ZFP82: variants seen among roughly 807,000 people sequenced by gnomAD.
ZFP82 encodes ZFP82 zinc finger protein.
In ZFP82, 30 loss-of-function variants were observed where a neutral mutation model predicts 54.0. That is an observed-to-expected ratio of 0.56 (90% CI 0.42 to 0.75). ZFP82 has a LOEUF of 0.75. ZFP82 is among the 30% of genes least tolerant of loss of function. The pLI, the probability that ZFP82 is intolerant of heterozygous loss-of-function variation, is 0.00. For synonymous variants in ZFP82, 194 were observed against 209.5 expected (o/e 0.93, Z 0.64); for missense variants, 500 against 636.8 (o/e 0.79, Z 2.31).
chr19:36,397,691 G>A (rs998936420), intron 4 of ZFP82, among the ~76,000 whole-genome samples: 2 of 151,388 alleles, frequency 1.3e-5, no homozygotes, highest in African/African-American at 2.4e-5. Flanking sequence ...ACCTTCAAGC[G>A]ATTCTCCTGC....
Position 36,389,454 on chromosome 19 carries a change from C to T in ZFP82, c.*3287G>A, listed in dbSNP as rs2032157973. On this transcript the variant is annotated 3_prime_UTR_variant, in exon 5 of 5. Coordinates refer to ENST00000392161, the MANE Select transcript of ZFP82 (RefSeq NM_133466.4). The stretch of plus-strand genomic sequence containing the variant: ...CTAATGATCCAGATTAAACATTTAC[C>T]AACATTTTGCTAATCTTGTTTCATC... Among the ~76,000 whole-genome samples the T allele has an allele frequency of 6.6e-6, 1 of 152,130 alleles. No individual in the cohort carries two copies. Among genetic ancestry groups the T allele is most frequent in the Non-Finnish European group, 1.5e-5 (1 of 68,008 alleles).
In ZFP82 at chr19:36,408,154, G is replaced by C. The variant is rs117973768; in HGVS notation, c.10-141C>G. ...TTGGGCTGGAAGCCTGCAACACAGC[G>C]AGTCAGGAAATGAGTGTGCCTGAAG... On this transcript the variant is annotated intron_variant, in intron 2 of 4. Transcript: ENST00000392161. 14 of 894,424 alleles carry C rather than the reference G, an allele frequency of 1.6e-5. 1 individual carries two copies. The highest frequency in any genetic ancestry group is 1.5e-4 in the African/African-American group (9 of 59,808). 55.4% of individuals were successfully genotyped at this position (894,424 alleles called of 1,614,324 possible). A position where few individuals can be genotyped will look rare whatever the true frequency, so the allele number is the denominator to read the frequency against.
chr19:36,385,894 A>C (rs2032109426), downstream of ZFP82, among the ~76,000 whole-genome samples: 3 of 152,220 alleles, frequency 2.0e-5, no homozygotes, highest in South Asian at 2.1e-4. Context: ...GCATATAGTA[A>C]GATGTGAGAG....
chr19:36,415,567 T>C (rs929272617), intron 1 of ZFP82, among the ~76,000 whole-genome samples: 1 of 152,020 alleles, frequency 6.6e-6, no homozygotes, highest in Non-Finnish European at 1.5e-5. Context: ...TTTCTATTTT[T>C]AGTAGAGACA....
At chr19:36,397,432 G>A (rs1312966273) in intron 4 of ZFP82, among the ~76,000 whole-genome samples, 1 of 151,806 alleles carries the variant, frequency 6.6e-6, no homozygotes, top group Non-Finnish European at 1.5e-5. Flanking sequence ...GTAAGCCATG[G>A]TTAAGATAAT....
rs199893839 is a variant in ZFP82, at chr19:36,393,196, T to A, written c.1144A>T (p.Ile382Phe). The change falls in exon 5 of 5, where the codon ATT becomes TTT. Residue 382 changes from isoleucine (I) to phenylalanine (F), a missense_variant. Coordinates refer to ENST00000392161, the MANE Select transcript of ZFP82 (RefSeq NM_133466.4). ...CCAGTATGAATTCTGTGATGGAGAA[T>A]AAGATGATAACCACGGCTAAAGGTC... ...GKTFSRGYHL[I>F]LHHRIHTGEK... 3.0e-5 allele frequency: 49 copies of A among 1,614,100 alleles called. No individual in the cohort carries two copies. The highest frequency in any genetic ancestry group is 8.3e-5 in the Admixed American group (5 of 60,012).
intron 1 of ZFP82, 122 bp from the exon 2 acceptor site, chr19:36,409,989 G>A (rs2271843): frequency 0.027 from 15,565 of 566,856 alleles, 752 homozygotes; most frequent in African/African-American, 0.13. Flanking sequence ...CAACACACAC[G>A]CGCGCACACA....
At chr19:36,402,468 C>CAAAAAAAAAAAAAAAAAAAAA (rs377338348) in intron 4 of ZFP82, among the ~76,000 whole-genome samples, 3 of 57,446 alleles carry the variant, frequency 5.2e-5, no homozygotes, top group African/African-American at 7.4e-5. Context: ...GACTCCATCT[C>CAAAAAAAAAAAAAAAAAAAAA]AAAAAAAAAA....
rs1008592218 is a variant in ZFP82, at chr19:36,392,208, T to C, written c.*533A>G. The C allele has an allele frequency of 6.5e-6, 1 of 152,856 alleles. No homozygotes were observed. Among genetic ancestry groups the C allele is most frequent in the Non-Finnish European group, 1.5e-5 (1 of 68,242 alleles). The allele number at this position is 152,856 out of a possible 1,614,324, so 9.5% of individuals were successfully genotyped here. On this transcript the variant is annotated 3_prime_UTR_variant, in exon 5 of 5. Transcript: ENST00000392161. ...TCCCTCTCTACGTAGTTTCAGGGCCTCTTCATGTGGTCTCTTCAGCAAAGT... is the reference window on the plus strand; with the variant it reads ...TCCCTCTCTACGTAGTTTCAGGGCCCCTTCATGTGGTCTCTTCAGCAAAGT...
chr19:36,409,717 A>C (rs1003590720), intron 2 of ZFP82, 64 bp downstream of exon 2: 5 of 1,576,066 alleles, frequency 3.2e-6, no homozygotes, highest in Non-Finnish European at 2.6e-6. Flanking sequence ...AGGAAGTTTC[A>C]GAATAAAAAA....
rs1304272889 is a variant in ZFP82, at chr19:36,389,526, G to T, written c.*3215C>A. Reference sequence around the variant, plus strand: ...TTAAGTATTTAAAAGTAAATCACAGGCATAACATTTCAGCCTTAAATACCT... The same window carrying T: ...TTAAGTATTTAAAAGTAAATCACAGTCATAACATTTCAGCCTTAAATACCT... On this transcript the variant is annotated 3_prime_UTR_variant, in exon 5 of 5. Coordinates refer to ENST00000392161, the MANE Select transcript of ZFP82 (RefSeq NM_133466.4). 2.0e-5 allele frequency among the ~76,000 whole-genome samples: 3 copies of T among 151,942 alleles called. No homozygotes were observed. Among genetic ancestry groups the T allele is most frequent in the Non-Finnish European group, 4.4e-5 (3 of 68,012 alleles).
At position 36,403,322 on chromosome 19, in the gene ZFP82, C is replaced by CAA. The variant is rs138418003; in HGVS notation, c.229+2256_229+2257dup. Among the ~76,000 whole-genome samples the CAA allele has an allele frequency of 1.8e-4, 12 of 65,508 alleles. No homozygotes were observed. The East Asian group carries it at 3.9e-3, about 21-fold the overall frequency. 43.0% of individuals were successfully genotyped at this position (65,508 alleles called of 152,430 possible). A position where few individuals can be genotyped will look rare whatever the true frequency, so the allele number is the denominator to read the frequency against. On this transcript the variant is annotated intron_variant, in intron 4 of 4. Coordinates refer to ENST00000392161, the MANE Select transcript of ZFP82 (RefSeq NM_133466.4). The stretch of plus-strand genomic sequence containing the variant: ...TGGGGAACAGAGTAAGACTCCATCT[C>CAA]AAAAAAAAAAAAAAAAAAAGGCCAG...
chr19:36,415,431 A>C (rs1321218006), intron 1 of ZFP82, among the ~76,000 whole-genome samples: 1 of 151,572 alleles, frequency 6.6e-6, no homozygotes, highest in East Asian at 2.0e-4. Flanking sequence ...TCTGTCACCC[A>C]GGCTGGAGTG....
intron 4 of ZFP82, among the ~76,000 whole-genome samples, chr19:36,405,291 C>T (rs746401495): frequency 3.9e-5 from 6 of 151,928 alleles, no homozygotes; most frequent in Non-Finnish European, 7.4e-5. Flanking sequence ...CCCCTCAGCT[C>T]CATTAAGGAG....
At chr19:36,397,307 G>C (rs2032313144) in intron 4 of ZFP82, among the ~76,000 whole-genome samples, 1 of 151,808 alleles carries the variant, frequency 6.6e-6, no homozygotes, top group Admixed American at 6.6e-5. Context: ...TGGCCAGGCT[G>C]GTCTCAAACT....
chr19:36,397,617 G>A, intron 4 of ZFP82, among the ~76,000 whole-genome samples: 1 of 152,044 alleles, frequency 6.6e-6, no homozygotes, highest in Non-Finnish European at 1.5e-5. Flanking sequence ...CTAGAGTGCA[G>A]TAGTATAATC....
At chr19:36,387,838 TCCTAA>T (rs1159672745), downstream of ZFP82, among the ~76,000 whole-genome samples, 5 of 152,116 alleles carry the variant, frequency 3.3e-5, no homozygotes, top group African/African-American at 1.2e-4. Flanking sequence ...GGTCTCAAAC[TCCTAA>T]CCTCAAGTGA....
chr19:36,389,736 G>A lies in ZFP82; in HGVS notation c.*3005C>T, dbSNP rs1201543204. On this transcript the variant is annotated 3_prime_UTR_variant, in exon 5 of 5. Transcript: ENST00000392161. ...ATTGACTATGTTTTCTTTATTTTCTGTATTCCTGATGCTCTGGCCACTTGG... is the reference window on the plus strand; with the variant it reads ...ATTGACTATGTTTTCTTTATTTTCTATATTCCTGATGCTCTGGCCACTTGG... 6.6e-6 allele frequency among the ~76,000 whole-genome samples: 1 copy of A among 152,004 alleles called. No homozygotes were observed. The highest frequency in any genetic ancestry group is 2.4e-5 in the African/African-American group (1 of 41,368).
At chr19:36,397,672 C>T (rs944131655) in intron 4 of ZFP82, among the ~76,000 whole-genome samples, 11 of 151,916 alleles carry the variant, frequency 7.2e-5, no homozygotes, top group African/African-American at 2.7e-4. Flanking sequence ...CCCCCCGCCA[C>T]GCCCCACCAC....
Sources: gnomAD v4.1 joint callset for allele counts (sites outside exome capture counted in the v4.1 genomes callset) on GRCh38, gnomAD v4.1.1 for gene constraint, MANE v1.5 for transcripts, NCBI Gene and HGNC (gene_info 2026-07-23, HGNC 2026-07-21) for gene names.